Variants in THSD4 observed in about 807,000 individuals in gnomAD.
The protein encoded by THSD4 is thrombospondin type 1 domain containing 4, also known as thrombospondin type-1 domain-containing protein 4.
Under a neutral mutation model 119.0 loss-of-function variants are expected in THSD4, and 69 were observed. The observed-to-expected ratio is 0.58, with a 90% CI of 0.48 to 0.71. The LOEUF (loss-of-function observed/expected upper bound fraction) is 0.71. THSD4 is among the 30% of genes least tolerant of loss of function. THSD4 has a pLI of 0.00. For synonymous variants in THSD4, 524 were observed against 540.4 expected (o/e 0.97, Z 0.42); for missense variants, 1,393 against 1,391.1 (o/e 1.00, Z -0.02).
At chr15:71,652,786 G>T (rs2051117658) in intron 7 of THSD4, among the ~76,000 whole-genome samples, 1 of 152,148 alleles carries the variant, frequency 6.6e-6, no homozygotes, top group African/African-American at 2.4e-5. Flanking sequence ...ACAGCCATAA[G>T]CTTGATTAAA....
At chr15:71,752,028 C>T (rs1021767207) in intron 14 of THSD4, among the ~76,000 whole-genome samples, 9 of 152,122 alleles carry the variant, frequency 5.9e-5, no homozygotes, top group African/African-American at 1.2e-4. Flanking sequence ...AAGATTATTT[C>T]GGTGTAGTCT....
At chr15:71,477,279 A>G (rs7342584) in intron 7 of THSD4, among the ~76,000 whole-genome samples, 146,582 of 152,284 alleles carry the variant, frequency 0.96, 70,802 homozygotes, top group East Asian at 1. Context: ...ATGTGAAATC[A>G]AATGAGAACA....
rs1480268138 is a variant in THSD4 at position 71,783,188 on chromosome 15, C to T, written c.*5814C>T. The T allele has an allele frequency of 6.6e-6, 1 of 152,176 alleles. No individual in the cohort carries two copies. The highest frequency in any genetic ancestry group is 1.5e-5 in the Non-Finnish European group (1 of 68,040). The allele number at this position is 152,176 out of a possible 1,614,324, so 9.4% of individuals were successfully genotyped here. ...GGCGAATTATGTGAGTAAATATGGTCTGTTTTCTCTTCAGCAAAAATGACT... is the reference window on the plus strand; with the variant it reads ...GGCGAATTATGTGAGTAAATATGGTTTGTTTTCTCTTCAGCAAAAATGACT... On this transcript the variant is annotated 3_prime_UTR_variant, in exon 18 of 18. Transcript: ENST00000261862.
intron 3 of THSD4, among the ~76,000 whole-genome samples, chr15:71,197,339 C>T (rs1007705680): frequency 6.6e-6 from 1 of 152,332 alleles, no homozygotes; most frequent in Admixed American, 6.5e-5. Context: ...AGCCTGCCTT[C>T]CTTGGAAGTG....
chr15:71,743,476 G>A (rs1327841245), intron 11 of THSD4, among the ~76,000 whole-genome samples: 2 of 152,120 alleles, frequency 1.3e-5, no homozygotes, highest in African/African-American at 4.8e-5. Flanking sequence ...CTTTATAACT[G>A]CACAGTGTAC....
intron 7 of THSD4, among the ~76,000 whole-genome samples, chr15:71,442,231 TAC>T (rs2047106993): frequency 6.6e-6 from 1 of 151,786 alleles, no homozygotes; most frequent in Non-Finnish European, 1.5e-5. Context: ...GTGCTGGGAT[TAC>T]AGACATGAGC....
intron 7 of THSD4, among the ~76,000 whole-genome samples, chr15:71,506,176 T>C (rs1258367557): frequency 1.3e-5 from 2 of 152,254 alleles, no homozygotes; most frequent in African/African-American, 4.8e-5. Flanking sequence ...TGTTGTTCCT[T>C]AACTCCCATC....
intron 7 of THSD4, among the ~76,000 whole-genome samples, chr15:71,506,706 G>A (rs1287894304): frequency 1.3e-5 from 2 of 151,838 alleles, no homozygotes; most frequent in African/African-American, 4.9e-5. Flanking sequence ...CACCACTTAC[G>A]GCGGCCTGAA....
chr15:71,748,460 G>A lies in THSD4; in HGVS notation c.2281G>A (p.Val761Met), dbSNP rs770867549. 6 of 1,614,250 alleles carry A rather than the reference G, an allele frequency of 3.7e-6. No individual in the cohort carries two copies. Among genetic ancestry groups the A allele is most frequent in the Admixed American group, 3.3e-5 (2 of 60,032 alleles). The stretch of plus-strand genomic sequence containing the variant: ...CGGCGTGGGACAGAGGACCCGTGAT[G>A]TGAAGTGTGTGAGCAACATTGGGGA... ...PCGVGQRTRD[V>M]KCVSNIGDVV... The change falls in exon 14 of 18, where the codon GTG becomes ATG. Residue 761 changes from valine to methionine, a missense_variant. By Grantham distance (21) the Val-to-Met change is conservative. Transcript: ENST00000261862.
chr15:71,359,144 C>T (rs2045860495), intron 6 of THSD4, among the ~76,000 whole-genome samples: 2 of 152,186 alleles, frequency 1.3e-5, no homozygotes, highest in Admixed American at 6.5e-5. Context: ...TTCTCTTCTG[C>T]TATGAATTAC....
intron 7 of THSD4, among the ~76,000 whole-genome samples, chr15:71,594,991 A>T (rs1040242286): frequency 6.6e-6 from 1 of 152,236 alleles, no homozygotes; most frequent in African/African-American, 2.4e-5. Flanking sequence ...CTAGGGGGTC[A>T]GTCAATCCCA....
intron 1 of THSD4, among the ~76,000 whole-genome samples, chr15:71,107,527 A>G (rs895768555): frequency 4.8e-4 from 73 of 152,324 alleles, no homozygotes; most frequent in African/African-American, 1.6e-3. Context: ...ACAATATCTG[A>G]TTGCATGTCA....
chr15:71,156,260 C>CT (rs1194104436), intron 3 of THSD4, among the ~76,000 whole-genome samples: 2,444 of 141,680 alleles, frequency 0.017, 51 homozygotes, highest in East Asian at 0.074. Context: ...AGGGGGTTTT[C>CT]TTTTTTTTTT....
chr15:71,218,097 T>C (rs2043949086), intron 4 of THSD4, among the ~76,000 whole-genome samples: 2 of 152,218 alleles, frequency 1.3e-5, no homozygotes, highest in Admixed American at 1.3e-4. Context: ...CTTATCACTT[T>C]ACACTCATGG....
chr15:71,671,390 T>C lies in THSD4; in HGVS notation c.1357+10656T>C, dbSNP rs151251543. Among the ~76,000 whole-genome samples, 261 of 152,348 alleles carry C rather than the reference T, an allele frequency of 1.7e-3. 1 individual carries two copies. The highest frequency in any genetic ancestry group is 6.1e-3 in the African/African-American group (253 of 41,576). ...TTGTAGATTCTGGATATTAGCCCTT[T>C]GTCAGATGGATAGATTGGAAAAATT... is the stretch of plus-strand genomic sequence containing the variant. On this transcript the variant is annotated intron_variant, in intron 8 of 17. Transcript: ENST00000261862.
chr15:71,633,612 C>T (rs1267074673), intron 7 of THSD4, among the ~76,000 whole-genome samples: 1 of 152,132 alleles, frequency 6.6e-6, no homozygotes, highest in African/African-American at 2.4e-5. Flanking sequence ...AATTTGGATT[C>T]CTTGAAACAT....
chr15:71,532,692 T>C (rs1051954093), intron 7 of THSD4, among the ~76,000 whole-genome samples: 2 of 152,230 alleles, frequency 1.3e-5, no homozygotes, highest in Admixed American at 6.5e-5. Context: ...TGGTGCTGGC[T>C]GTTTATAATA....
chr15:71,743,075 T>G, intron 11 of THSD4, among the ~76,000 whole-genome samples: 1 of 152,124 alleles, frequency 6.6e-6, no homozygotes. Context: ...AAAAAAGATT[T>G]GTAGATCTGG....
chr15:71,548,756 T>A (rs1314644181), intron 7 of THSD4, among the ~76,000 whole-genome samples: 3 of 152,190 alleles, frequency 2.0e-5, no homozygotes, highest in Non-Finnish European at 4.4e-5. Flanking sequence ...CCCTGTTGAT[T>A]TTTTTCGTGT....
Sources: gnomAD v4.1 joint callset for allele counts (sites outside exome capture counted in the v4.1 genomes callset) on GRCh38, gnomAD v4.1.1 for gene constraint, MANE v1.5 for transcripts, NCBI Gene and HGNC (gene_info 2026-07-23, HGNC 2026-07-21) for gene names.